RAD54B: variants seen among roughly 807,000 people sequenced by gnomAD.
RAD54B encodes RAD54 homolog B.
RAD54B carries 78 observed loss-of-function variants against 95.8 expected under a neutral mutation model. The observed-to-expected ratio is 0.81, with a 90% confidence interval of 0.68 to 0.98. The LOEUF is 0.98. Among genes scored for constraint, RAD54B ranks in the 50% least tolerant of loss-of-function variants. The pLI is 0.00. For synonymous variants in RAD54B, 328 were observed against 354.9 expected, an observed-to-expected ratio of 0.92 and a Z score of 0.85; for missense variants, 957 against 1,056.6, an observed-to-expected ratio of 0.91 and a Z score of 1.31.
chr8:94,412,600 G>A (rs1424595724), intron 3 of RAD54B, among the ~76,000 whole-genome samples: 1 of 152,006 alleles, frequency 6.6e-6, no homozygotes, highest in East Asian at 1.9e-4. Context: ...CGCCATTACT[G>A]AAGAGCTCTT....
chr8:94,391,520 C>G, intron 10 of RAD54B, 89 bp downstream of exon 10: 1 of 1,350,208 alleles, frequency 7.4e-7, no homozygotes, highest in Non-Finnish European at 1.0e-6. Context: ...ACAAATGCAA[C>G]CTCAGAAATT....
At chr8:94,405,236 A>C (rs1404480129) in intron 5 of RAD54B, among the ~76,000 whole-genome samples, 1 of 152,204 alleles carries the variant, frequency 6.6e-6, no homozygotes. Context: ...ATCAAATATA[A>C]CTAGAAGGCA....
chr8:94,382,170 G>C (rs1208229703), intron 11 of RAD54B, among the ~76,000 whole-genome samples: 1 of 150,582 alleles, frequency 6.6e-6, no homozygotes, highest in Non-Finnish European at 1.5e-5. Context: ...GGAGTCTTCA[G>C]ATAAAAAGGA....
chr8:94,435,905 C>T (rs1363923328), intron 3 of RAD54B, among the ~76,000 whole-genome samples: 2 of 151,932 alleles, frequency 1.3e-5, no homozygotes, highest in South Asian at 2.1e-4. Flanking sequence ...GCATTAACTC[C>T]CTTTAGTTGT....
At chr8:94,392,614 T>C (rs1563639701) in intron 9 of RAD54B, among the ~76,000 whole-genome samples, 1 of 151,658 alleles carries the variant, frequency 6.6e-6, no homozygotes, top group South Asian at 2.1e-4. Context: ...TTTATTTTTT[T>C]GAAACAGAGT....
intron 3 of RAD54B, chr8:94,427,823 A>G: frequency 4.2e-6 from 4 of 963,202 alleles, no homozygotes; most frequent in Non-Finnish European, 4.9e-6. Context: ...AGTTATTTAA[A>G]CATGTGTATT....
intron 1 of RAD54B, among the ~76,000 whole-genome samples, chr8:94,471,796 T>A (rs1196183070): frequency 6.6e-6 from 1 of 151,982 alleles, no homozygotes; most frequent in Admixed American, 6.5e-5. Flanking sequence ...TAGATTTTTT[T>A]AAATTACCAT....
intron 6 of RAD54B, among the ~76,000 whole-genome samples, chr8:94,403,677 CAA>C (rs767425284): frequency 8.3e-5 from 11 of 131,812 alleles, no homozygotes; most frequent in Non-Finnish European, 8.2e-5. Flanking sequence ...ACTCCGTCTC[CAA>C]AAAAAAAAAA....
Position 94,454,204 on chromosome 8 carries a change from C to T in RAD54B, c.304+4064G>A, listed in dbSNP as rs79607769. ...ACATATTGCATGATTCTCATTACAT[C>T]GCATATCCAGAATAGGTAAACCCAT... is the stretch of plus-strand genomic sequence containing the variant. On this transcript the variant is annotated intron_variant, in intron 3 of 14. Transcript: ENST00000336148. Among the ~76,000 whole-genome samples, 865 of 150,828 alleles carry T rather than the reference C, an allele frequency of 5.7e-3. 9 individuals are homozygous for T. Among genetic ancestry groups the T allele is most frequent in the African/African-American group, 0.02 (832 of 41,070 alleles).
chr8:94,473,622 T>C (rs1312742029), intron 1 of RAD54B, among the ~76,000 whole-genome samples: 1 of 152,120 alleles, frequency 6.6e-6, no homozygotes, highest in East Asian at 1.9e-4. Context: ...GTGAAGGAGA[T>C]AGAGAAGGGG....
At chr8:94,424,313 G>C (rs1037883555) in intron 3 of RAD54B, among the ~76,000 whole-genome samples, 1 of 152,148 alleles carries the variant, frequency 6.6e-6, no homozygotes, top group Non-Finnish European at 1.5e-5. Flanking sequence ...TCTATAAAAT[G>C]AATATAATAC....
chr8:94,403,770 T>C (rs1811316963), intron 6 of RAD54B, among the ~76,000 whole-genome samples: 2 of 152,184 alleles, frequency 1.3e-5, no homozygotes, highest in Non-Finnish European at 2.9e-5. Flanking sequence ...TAAGCTTTTA[T>C]TATACCACAT....
chr8:94,427,282 C>T (rs943835069), intron 3 of RAD54B, among the ~76,000 whole-genome samples: 1 of 151,708 alleles, frequency 6.6e-6, no homozygotes, highest in Admixed American at 6.6e-5. Flanking sequence ...TCCACTATTA[C>T]AAAGCAATTG....
intron 6 of RAD54B, among the ~76,000 whole-genome samples, chr8:94,402,148 T>C (rs1811281014): frequency 6.6e-6 from 1 of 152,212 alleles, no homozygotes; most frequent in South Asian, 2.1e-4. Flanking sequence ...ATACTATATG[T>C]TATTTATGAT....
intron 3 of RAD54B, among the ~76,000 whole-genome samples, chr8:94,419,268 C>T (rs987578887): frequency 1.1e-4 from 16 of 152,180 alleles, no homozygotes; most frequent in African/African-American, 9.6e-5. Context: ...CCACCACTTT[C>T]GGAGGCCAAG....
intron 3 of RAD54B, chr8:94,432,137 A>G: frequency 6.6e-7 from 1 of 1,522,010 alleles, no homozygotes; most frequent in Non-Finnish European, 8.8e-7. Flanking sequence ...AAACTTAGAG[A>G]CTGTTATATT....
intron 3 of RAD54B, among the ~76,000 whole-genome samples, chr8:94,414,124 C>T (rs930158445): frequency 6.6e-6 from 1 of 152,160 alleles, no homozygotes; most frequent in Non-Finnish European, 1.5e-5. Flanking sequence ...GCGTGAGCCA[C>T]TGCACCCAGC....
intron 2 of RAD54B, among the ~76,000 whole-genome samples, chr8:94,458,799 G>A (rs950869079): frequency 5.3e-5 from 8 of 152,028 alleles, no homozygotes; most frequent in South Asian, 4.2e-4. Flanking sequence ...CTCAGGAGGC[G>A]GAGGTTGCAG....
intron 5 of RAD54B, 53 bp downstream of exon 5, chr8:94,407,386 A>C: frequency 6.6e-7 from 1 of 1,513,990 alleles, no homozygotes; most frequent in Non-Finnish European, 8.9e-7. Context: ...TTCACACACA[A>C]AAAACATTTT....
Sources: gnomAD v4.1 joint callset for allele counts (sites outside exome capture counted in the v4.1 genomes callset) on GRCh38, gnomAD v4.1.1 for gene constraint, MANE v1.5 for transcripts, NCBI Gene and HGNC (gene_info 2026-07-23, HGNC 2026-07-21) for gene names.